Variants in RBM41 observed in about 807,000 individuals in gnomAD.
RBM41 encodes RNA-binding protein 41.
RBM41 carries 14 observed loss-of-function variants against 30.8 expected under a neutral mutation model. That is an observed-to-expected ratio of 0.45 (90% confidence interval 0.30 to 0.71). RBM41 has a LOEUF of 0.71. Among genes scored for constraint, RBM41 ranks in the 30% least tolerant of loss-of-function variants. The pLI, the probability that RBM41 is intolerant of heterozygous loss-of-function variation, is 0.08. For missense variants in RBM41, 276 were observed against 326.3 expected, an observed-to-expected ratio of 0.85 and a Z score of 1.19; for synonymous variants, 120 against 110.1, an observed-to-expected ratio of 1.09 and a Z score of -0.56.
rs779213394 is a variant in RBM41 at position 107,070,970 on chromosome X, A to C, written c.1000-1568T>G. Among the ~76,000 whole-genome samples the C allele has an allele frequency of 6.0e-4, 65 of 108,651 alleles. 1 individual carries two copies. Among genetic ancestry groups the C allele is most frequent in the Non-Finnish European group, 3.8e-4 (20 of 52,348 alleles). 94.4% of individuals were successfully genotyped at this position (108,651 alleles called of 115,157 possible). A position where few individuals can be genotyped will look rare whatever the true frequency, so the allele number is the denominator to read the frequency against. On this transcript the variant is annotated intron_variant, in intron 6 of 7. Coordinates refer to ENST00000685964, the MANE Select transcript of RBM41 (RefSeq NM_001324242.2). Reference sequence around the variant, plus strand: ...GAGGCTGAGGCAGGAGGATTACTGGAGCTCAGGAGTTTGAGGCTGTAGTGA... The same window carrying C: ...GAGGCTGAGGCAGGAGGATTACTGGCGCTCAGGAGTTTGAGGCTGTAGTGA...
At position 107,101,292 on chromosome X, in the gene RBM41, C is replaced by T. The variant is rs542763222; in HGVS notation, c.595+12105G>A. ...ATGATCTATCTCACTATAAAGAGAT[C>T]GTTTGCAAAAAAAGTGAATGAGAGG... On this transcript the variant is annotated intron_variant, in intron 5 of 7. Transcript: ENST00000685964. Among the ~76,000 whole-genome samples the T allele has an allele frequency of 8.6e-4, 96 of 111,169 alleles. 1 individual carries two copies. The South Asian group carries it at 0.035, about 41-fold the overall frequency.
rs368811303 is a variant in RBM41 at position 107,088,693 on chromosome X, C to T, written c.742G>A (p.Val248Met). 1.7e-6 allele frequency: 2 copies of T among 1,211,647 alleles called. No homozygotes were observed. The highest frequency in any genetic ancestry group is 2.2e-6 in the Non-Finnish European group (2 of 895,520). The part of the protein sequence containing the change: ...ASHSLVSATS[V>M]GDSGTAESPS... ...CTCTCAGCTGTGCCACTATCACCCACTGATGTAGCTGAGACCAGTGAGTGG... is the reference window on the plus strand; with the variant it reads ...CTCTCAGCTGTGCCACTATCACCCATTGATGTAGCTGAGACCAGTGAGTGG... Residue 248 changes from valine (V) to methionine (M), a missense_variant, in exon 6 of 8, where the codon GTG (valine) becomes ATG (methionine). Coordinates refer to ENST00000685964, the MANE Select transcript of RBM41 (RefSeq NM_001324242.2).
rs1215680575 is a variant in RBM41 at position 107,088,656 on chromosome X, A to C, written c.779T>G (p.Leu260Arg). Reference protein sequence around the residue: ...DSGTAESPSLLQDKGKQAAQG... With the variant: ...DSGTAESPSLRQDKGKQAAQG... ...TGCTGCCTGTTTTCCCTTGTCCTGG[A>C]GTAATGATGGGCTCTCAGCTGTGCC... The change falls in exon 6 of 8, where the codon CTC becomes CGC. Residue 260 changes from leucine (L) to arginine (R), a missense_variant. Transcript: ENST00000685964. 8.3e-7 allele frequency: 1 copy of C among 1,211,567 alleles called. No homozygotes were observed. Among genetic ancestry groups the C allele is most frequent in the South Asian group, 1.8e-5 (1 of 56,949 alleles).
chrX:107,118,339 A>T (rs1465676187), intron 1 of RBM41, among the ~76,000 whole-genome samples: 1 of 110,778 alleles, frequency 9.0e-6, no homozygotes, highest in Non-Finnish European at 1.9e-5. Flanking sequence ...TTTAACACAC[A>T]GACGTTGCAA....
intron 5 of RBM41, among the ~76,000 whole-genome samples, chrX:107,099,728 CG>C (rs1923293355): frequency 1.8e-5 from 2 of 108,734 alleles, no homozygotes; most frequent in Non-Finnish European, 3.8e-5. Context: ...CACACACACA[CG>C]AACACGAAGG....
intron 5 of RBM41, among the ~76,000 whole-genome samples, chrX:107,110,551 C>T (rs1049360859): frequency 1.8e-5 from 2 of 110,760 alleles, no homozygotes; most frequent in African/African-American, 6.5e-5. Flanking sequence ...GTAAGTCCTA[C>T]CAAAACGTCA....
intron 6 of RBM41, among the ~76,000 whole-genome samples, chrX:107,074,699 A>T (rs1447464994): frequency 4.5e-5 from 5 of 111,889 alleles, no homozygotes; most frequent in Admixed American, 9.5e-5. Context: ...CTGAAGAAAG[A>T]ACTTAACCAA....
chrX:107,082,948 A>G (rs2147932662), intron 6 of RBM41, among the ~76,000 whole-genome samples: 1 of 111,562 alleles, frequency 9.0e-6, no homozygotes, highest in African/African-American at 3.2e-5. Flanking sequence ...TTGTTTTAAA[A>G]TGAGAAAATA....
intron 5 of RBM41, among the ~76,000 whole-genome samples, chrX:107,103,117 TG>T (rs1397094819): frequency 9.0e-6 from 1 of 110,879 alleles, no homozygotes; most frequent in Non-Finnish European, 1.9e-5. Context: ...TTAAGACTTT[TG>T]GGGATGTTAT....
intron 4 of RBM41, 40 bp from the exon 5 acceptor site, chrX:107,113,508 C>G: frequency 1.0e-6 from 1 of 980,771 alleles, no homozygotes; most frequent in Non-Finnish European, 1.3e-6. Context: ...AGATAGGAAA[C>G]AGAACAGATT....
intron 5 of RBM41, among the ~76,000 whole-genome samples, chrX:107,090,515 T>C (rs1922438796): frequency 8.9e-6 from 1 of 112,016 alleles, no homozygotes; most frequent in Non-Finnish European, 1.9e-5. Context: ...TTAAGACCAG[T>C]GGGAGCCCCT....
intron 6 of RBM41, chrX:107,070,010 G>A (rs1340528436): frequency 4.5e-6 from 1 of 220,124 alleles, no homozygotes; most frequent in Non-Finnish European, 8.2e-6. Flanking sequence ...ATTTTAAACT[G>A]GTAGTGGAGA....
At chrX:107,091,016 G>A (rs577951927) in intron 5 of RBM41, among the ~76,000 whole-genome samples, 277 of 108,628 alleles carry the variant, frequency 2.5e-3, no homozygotes, top group South Asian at 6.5e-3. Flanking sequence ...GTGTCCATGT[G>A]TTCTCATTGT....
intron 5 of RBM41, among the ~76,000 whole-genome samples, chrX:107,097,012 C>G (rs748464499): frequency 1.8e-5 from 2 of 111,968 alleles, no homozygotes; most frequent in Non-Finnish European, 3.8e-5. Context: ...CAAAATAAAA[C>G]TGCAATGAGC....
intron 6 of RBM41, among the ~76,000 whole-genome samples, chrX:107,085,245 CTTTTTTTTCT>C (rs1921916103): frequency 1.1e-5 from 1 of 92,895 alleles, no homozygotes; most frequent in African/African-American, 4.5e-5. Context: ...TATTGTTTTT[CTTTTTTTTCT>C]TTTTCTTTTT....
chrX:107,091,813 T>C (rs1461476326), intron 5 of RBM41, among the ~76,000 whole-genome samples: 1 of 112,198 alleles, frequency 8.9e-6, no homozygotes, highest in African/African-American at 3.2e-5. Context: ...CAATATGTCC[T>C]GGAGATAGTT....
At chrX:107,094,126 C>A (rs1266595727) in intron 5 of RBM41, among the ~76,000 whole-genome samples, 1 of 111,608 alleles carries the variant, frequency 9.0e-6, no homozygotes, top group Non-Finnish European at 1.9e-5. Flanking sequence ...TTGGTAAATT[C>A]TATCAAATAC....
At chrX:107,087,032 C>T (rs984294222) in intron 6 of RBM41, among the ~76,000 whole-genome samples, 6 of 111,202 alleles carry the variant, frequency 5.4e-5, no homozygotes, top group Admixed American at 4.8e-4. Context: ...AATATAAAAA[C>T]GTGCACAGGA....
chrX:107,115,589 T>C (rs1285795066), intron 3 of RBM41, 33 bp from the exon 4 acceptor site: 10 of 1,129,407 alleles, frequency 8.9e-6, no homozygotes, highest in African/African-American at 5.4e-5. Context: ...GCATGTATCA[T>C]AGAGGGCACA....
Sources: gnomAD v4.1 joint callset for allele counts (sites outside exome capture counted in the v4.1 genomes callset) on GRCh38, gnomAD v4.1.1 for gene constraint, MANE v1.5 for transcripts, NCBI Gene and HGNC (gene_info 2026-07-23, HGNC 2026-07-21) for gene names.